The following TARP variants were observed in gnomAD, a reference collection of about 807,000 sequenced individuals.
At chr7:38,269,841 T>C in the TARP span, among the ~76,000 whole-genome samples, 3 of 152,086 alleles carry the variant, frequency 2.0e-5, no homozygotes, top group Non-Finnish European at 4.4e-5. Flanking sequence ...GGTTTGTGCC[T>C]ATAATTCCAG....
the TARP span, chr7:38,260,247 A>G: frequency 3.5e-6 from 5 of 1,437,134 alleles, no homozygotes; most frequent in Non-Finnish European, 1.9e-6. Flanking sequence ...GAAATTGCAC[A>G]TGTTCTTTTT....
At chr7:38,261,851 G>T in the TARP span, among the ~76,000 whole-genome samples, 12 of 126,610 alleles carry the variant, frequency 9.5e-5, no homozygotes, top group Non-Finnish European at 1.4e-4. Flanking sequence ...CAGCCTGGGT[G>T]ACAGAGCAAG....
At chr7:38,264,087 TC>T in the TARP span, among the ~76,000 whole-genome samples, 1 of 149,254 alleles carries the variant, frequency 6.7e-6, no homozygotes, top group Non-Finnish European at 1.5e-5. Flanking sequence ...TCTCTCTCTC[TC>T]AATCAAGGTT....
At chr7:38,264,904 T>C in the TARP span, among the ~76,000 whole-genome samples, 1 of 151,754 alleles carries the variant, frequency 6.6e-6, no homozygotes, top group African/African-American at 2.4e-5. Context: ...GGTTAAACTT[T>C]GTGGGTAGCA....
At chr7:38,270,084 AG>A in the TARP span, among the ~76,000 whole-genome samples, 1 of 152,136 alleles carries the variant, frequency 6.6e-6, no homozygotes, top group Non-Finnish European at 1.5e-5. Flanking sequence ...CCTGGGCAAC[AG>A]GGGAAGACCC....
At chr7:38,261,545 A>G in the TARP span, among the ~76,000 whole-genome samples, 1 of 151,712 alleles carries the variant, frequency 6.6e-6, no homozygotes, top group African/African-American at 2.4e-5. Flanking sequence ...TCGAGAAGCA[A>G]CATGGTATCA....
chr7:38,262,529 A>C, the TARP span, among the ~76,000 whole-genome samples: 1,139 of 151,872 alleles, frequency 7.5e-3, 10 homozygotes, highest in Middle Eastern at 0.021. Flanking sequence ...ACTGCCACAA[A>C]GTATGTTTTT....
At chr7:38,265,162 A>T in the TARP span, among the ~76,000 whole-genome samples, 1 of 151,214 alleles carries the variant, frequency 6.6e-6, no homozygotes. Context: ...TAACTTTTTC[A>T]ATTTTGTTTT....
chr7:38,260,952 T>C, the TARP span, among the ~76,000 whole-genome samples: 1 of 151,792 alleles, frequency 6.6e-6, no homozygotes, highest in Non-Finnish European at 1.5e-5. Flanking sequence ...TTTGTGCATA[T>C]GTAGAGAGAA....
chr7:38,261,480 A>G, the TARP span, among the ~76,000 whole-genome samples: 3 of 151,606 alleles, frequency 2.0e-5, no homozygotes, highest in African/African-American at 7.3e-5. Flanking sequence ...CACTTGATAA[A>G]CACTAGTTCG....
the TARP span, among the ~76,000 whole-genome samples, chr7:38,267,590 A>G: frequency 6.6e-6 from 1 of 150,924 alleles, no homozygotes; most frequent in Admixed American, 6.6e-5. Flanking sequence ...ATTTGTGAGC[A>G]TGCTATAAAT....
At chr7:38,263,802 A>G in the TARP span, among the ~76,000 whole-genome samples, 1 of 151,818 alleles carries the variant, frequency 6.6e-6, no homozygotes, top group African/African-American at 2.4e-5. Flanking sequence ...GCACTCACTG[A>G]GATCTTTATT....
the TARP span, among the ~76,000 whole-genome samples, chr7:38,268,332 T>C: frequency 5.3e-5 from 8 of 151,722 alleles, no homozygotes; most frequent in Admixed American, 1.3e-4. Flanking sequence ...ATTGTAAATT[T>C]ACCAAATATC....
At chr7:38,273,599 G>A in the TARP span, 12 of 1,597,696 alleles carry the variant, frequency 7.5e-6, no homozygotes, top group Non-Finnish European at 9.3e-6. Flanking sequence ...GTAATGATAA[G>A]CTTTGTTCCG....
At chr7:38,260,980 C>T in the TARP span, among the ~76,000 whole-genome samples, 216 of 151,988 alleles carry the variant, frequency 1.4e-3, no homozygotes, top group African/African-American at 4.9e-3. Flanking sequence ...GAAACAAGTA[C>T]TCATTCTGTG....
chr7:38,261,602 C>T, the TARP span, among the ~76,000 whole-genome samples: 1 of 151,542 alleles, frequency 6.6e-6, no homozygotes, highest in East Asian at 1.9e-4. Context: ...AGGCCGGGCA[C>T]AGTGACTCAC....
chr7:38,266,464 G>A, the TARP span, among the ~76,000 whole-genome samples: 529 of 151,630 alleles, frequency 3.5e-3, no homozygotes, highest in African/African-American at 0.012. Flanking sequence ...GCATCACCAT[G>A]CCTGGCTAAT....
chr7:38,269,148 G>A, the TARP span, among the ~76,000 whole-genome samples: 7 of 151,818 alleles, frequency 4.6e-5, no homozygotes, highest in South Asian at 4.2e-4. Flanking sequence ...TTGACCATCA[G>A]AGATGAATAT....
At chr7:38,273,546 C>A in the TARP span, 1 of 1,486,650 alleles carries the variant, frequency 6.7e-7, no homozygotes, top group Non-Finnish European at 9.3e-7. Context: ...CTGCCAGCCT[C>A]CCATCCCTTC....
Sources: allele counts gnomAD v4.1 joint callset (sites outside exome capture counted in the v4.1 genomes callset), GRCh38; gene constraint gnomAD v4.1.1; transcripts MANE v1.5.